The following MYT1L variants were observed in gnomAD, a reference collection of about 807,000 sequenced individuals.
The protein encoded by MYT1L is myelin transcription factor 1 like.
In MYT1L, 12 loss-of-function variants were observed where a neutral mutation model predicts 126.7. That is an observed-to-expected ratio of 0.09 (90% CI 0.06 to 0.15). MYT1L has a LOEUF of 0.15. Among genes scored for constraint, MYT1L ranks in the 10% least tolerant of loss-of-function variants. MYT1L has a pLI of 1.00. For synonymous variants in MYT1L, 541 were observed against 604.2 expected (o/e 0.90, Z 1.53); for missense variants, 979 against 1,585.2 (o/e 0.62, Z 6.49).
At chr2:1,963,089 G>A (rs1407895209) in intron 8 of MYT1L, among the ~76,000 whole-genome samples, 1 of 152,188 alleles carries the variant, frequency 6.6e-6, no homozygotes, top group Non-Finnish European at 1.5e-5. Context: ...AATAAGGCTC[G>A]AAAGTCAAAA....
At chr2:2,306,366 A>G (rs1470680256) in intron 1 of MYT1L, among the ~76,000 whole-genome samples, 1 of 152,220 alleles carries the variant, frequency 6.6e-6, no homozygotes, top group African/African-American at 2.4e-5. Context: ...AGAATGAGAC[A>G]GAACATACAT....
At chr2:2,290,198 T>A (rs1467252073) in intron 1 of MYT1L, among the ~76,000 whole-genome samples, 2 of 152,196 alleles carry the variant, frequency 1.3e-5, no homozygotes, top group African/African-American at 2.4e-5. Flanking sequence ...AACTGTGCTC[T>A]GTATATCTGA....
At chr2:1,893,827 T>C (rs1183587295) in intron 14 of MYT1L, among the ~76,000 whole-genome samples, 2 of 152,178 alleles carry the variant, frequency 1.3e-5, no homozygotes, top group East Asian at 1.9e-4. Flanking sequence ...GGAGTCCTCA[T>C]TGACAAGGTT....
intron 1 of MYT1L, among the ~76,000 whole-genome samples, chr2:2,315,679 A>G (rs1362179029): frequency 6.6e-6 from 1 of 152,164 alleles, no homozygotes; most frequent in African/African-American, 2.4e-5. Flanking sequence ...ACAAGAGAGT[A>G]TGGGTCCTTG....
chr2:2,018,442 T>C (rs372099960), intron 4 of MYT1L, among the ~76,000 whole-genome samples: 3 of 152,130 alleles, frequency 2.0e-5, no homozygotes, highest in African/African-American at 7.2e-5. Context: ...CATTGGTCAC[T>C]AGTAACTTAG....
At chr2:1,934,230 T>TC (rs1311788780) in intron 9 of MYT1L, among the ~76,000 whole-genome samples, 47 of 150,346 alleles carry the variant, frequency 3.1e-4, no homozygotes, top group East Asian at 2.2e-3. Flanking sequence ...CGCCTTGGCC[T>TC]CCAAAGTGCT....
At chr2:2,191,004 C>T (rs185925477) in intron 2 of MYT1L, among the ~76,000 whole-genome samples, 250 of 152,316 alleles carry the variant, frequency 1.6e-3, no homozygotes, top group African/African-American at 5.7e-3. Flanking sequence ...AGGCAGGTCT[C>T]AAACTCCCAA....
At position 1,922,515 on chromosome 2, in the gene MYT1L, G is replaced by A. The variant is rs770380686; in HGVS notation, c.1254C>T (p.Asp418=). 1 of 1,613,876 alleles carries A rather than the reference G, an allele frequency of 6.2e-7. No homozygotes were observed. Among genetic ancestry groups the A allele is most frequent in the Middle Eastern group, 1.6e-4 (1 of 6,062 alleles). Residue 418 remains aspartate (D), a synonymous_variant, in exon 10 of 25, where the codon GAC becomes GAT. Transcript: ENST00000647738. This position sits in a 1 kb window ranked among gnomAD's most constrained non-coding sequence, Gnocchi z 7.4. ...TCATGTCGAACACCTCTTCAGACCT[G>A]TCCGAGTTCACAGAGGTGGTATCGT... ...RDDDTTSVNS[D]RSEEVFDMTK...
chr2:2,050,831 T>C (rs970863979), intron 4 of MYT1L, among the ~76,000 whole-genome samples: 10 of 152,136 alleles, frequency 6.6e-5, no homozygotes, highest in Non-Finnish European at 1.2e-4. Flanking sequence ...TCTGAGTGTT[T>C]CTGATTCTGA....
At chr2:2,082,849 C>G (rs759680084) in intron 3 of MYT1L, among the ~76,000 whole-genome samples, 15 of 152,164 alleles carry the variant, frequency 9.9e-5, no homozygotes, top group Admixed American at 2.0e-4. Flanking sequence ...CATAGCCCAC[C>G]TCCCTAAGCA....
chr2:2,134,288 C>T (rs553076460), intron 3 of MYT1L, among the ~76,000 whole-genome samples: 18 of 152,284 alleles, frequency 1.2e-4, no homozygotes, highest in African/African-American at 3.8e-4. Context: ...TACCATGCCA[C>T]GAAGATGCCT....
At chr2:2,175,602 C>T (rs1007066888) in intron 2 of MYT1L, among the ~76,000 whole-genome samples, 6 of 150,872 alleles carry the variant, frequency 4.0e-5, no homozygotes, top group African/African-American at 7.5e-5. Context: ...AAGGAGAAGG[C>T]GAAACCATCC....
intron 9 of MYT1L, among the ~76,000 whole-genome samples, chr2:1,931,530 C>T (rs569301725): frequency 1.3e-5 from 2 of 152,120 alleles, no homozygotes; most frequent in South Asian, 2.1e-4. Context: ...GTGATGCCCA[C>T]GTCTGCTGGG....
chr2:2,247,448 C>T (rs1027306542), intron 2 of MYT1L, among the ~76,000 whole-genome samples: 10 of 152,166 alleles, frequency 6.6e-5, no homozygotes, highest in African/African-American at 2.4e-4. Context: ...GACTTCAACA[C>T]CCCACTTTCA....
intron 3 of MYT1L, among the ~76,000 whole-genome samples, chr2:2,129,854 C>T (rs941525224): frequency 3.4e-5 from 5 of 149,212 alleles, no homozygotes; most frequent in East Asian, 4.0e-4. Context: ...TGCAGTGAGC[C>T]GAGATTGGGC....
chr2:1,987,244 T>C (rs1361363835), intron 5 of MYT1L, among the ~76,000 whole-genome samples: 1 of 152,146 alleles, frequency 6.6e-6, no homozygotes, highest in African/African-American at 2.4e-5. Context: ...CATCGGGTTC[T>C]TGGTGCTTAA....
chr2:1,936,306 A>G (rs998030413), intron 9 of MYT1L, among the ~76,000 whole-genome samples: 1 of 152,232 alleles, frequency 6.6e-6, no homozygotes, highest in Admixed American at 6.5e-5. Context: ...GTTTATGAAA[A>G]ATAGGATAAA....
At chr2:1,807,474 C>T (rs1036992657) in intron 22 of MYT1L, among the ~76,000 whole-genome samples, 2 of 152,106 alleles carry the variant, frequency 1.3e-5, no homozygotes, top group Non-Finnish European at 2.9e-5. Context: ...CAGGTTCTGC[C>T]CAGGTTCAGC....
chr2:2,232,572 T>C (rs2094187210), intron 2 of MYT1L, among the ~76,000 whole-genome samples: 1 of 152,220 alleles, frequency 6.6e-6, no homozygotes, highest in African/African-American at 2.4e-5. Context: ...TATGTGAATG[T>C]TGGATGTTAT....
Sources: allele counts gnomAD v4.1 joint callset (sites outside exome capture counted in the v4.1 genomes callset), GRCh38; gene constraint gnomAD v4.1.1; non-coding constraint Gnocchi (gnomAD v3.1); transcripts MANE v1.5; gene names NCBI Gene and HGNC (gene_info 2026-07-23, HGNC 2026-07-21).